ECHDC1: variants seen among roughly 807,000 people sequenced by gnomAD.
ECHDC1 encodes the protein ethylmalonyl-CoA decarboxylase.
A neutral mutation model predicts 29.7 loss-of-function variants in ECHDC1; 29 were observed. The ratio of observed to expected loss-of-function variants is 0.98; its 90% CI spans 0.73 to 1.33. The LOEUF (loss-of-function observed/expected upper bound fraction) is 1.33, where lower values mean the gene tolerates loss of function less well. ECHDC1 is among the 40% of genes most tolerant of loss of function. ECHDC1 has a pLI of 0.00. For missense variants in ECHDC1, 328 were observed against 350.0 expected (o/e 0.94, Z 0.50); for synonymous variants, 126 against 123.1 (o/e 1.02, Z -0.15).
At position 127,289,071 on chromosome 6, in the gene ECHDC1, AG is replaced by A. The variant is rs1381728367; in HGVS notation, c.*797del. On this transcript the variant is annotated 3_prime_UTR_variant, in exon 6 of 6. Transcript: ENST00000454859. The stretch of plus-strand genomic sequence containing the variant: ...TTACTTTTGAAAGATAGTTGTTAGA[AG>A]GTTAGTTGTTTTTCAGGAAAAAAAA... 1 of 152,038 alleles carries A rather than the reference AG, an allele frequency of 6.6e-6. No homozygotes were observed. The highest frequency in any genetic ancestry group is 1.5e-5 in the Non-Finnish European group (1 of 67,956). 9.4% of individuals were successfully genotyped at this position (152,038 alleles called of 1,614,324 possible). A position where few individuals can be genotyped will look rare whatever the true frequency, so the allele number is the denominator to read the frequency against.
chr6:127,338,307 CAT>C (rs1213748171), intron 1 of ECHDC1, among the ~76,000 whole-genome samples: 1 of 152,092 alleles, frequency 6.6e-6, no homozygotes. Context: ...AATATGCACA[CAT>C]AAAGCAAAAA....
chr6:127,313,676 T>TA (rs1562317703), intron 5 of ECHDC1: 2 of 433,136 alleles, frequency 4.6e-6, no homozygotes, highest in African/African-American at 4.1e-5. Flanking sequence ...AATGAATTTT[T>TA]AAAAAAATGG....
Position 127,311,749 on chromosome 6 carries a change from A to G in ECHDC1, c.497+3067T>C, listed in dbSNP as rs540037861. Among the ~76,000 whole-genome samples the G allele has an allele frequency of 3.4e-5, 5 of 149,088 alleles. No individual in the cohort carries two copies. The South Asian group carries it at 1.1e-3, about 32-fold the overall frequency. On this transcript the variant is annotated intron_variant, in intron 5 of 5. Coordinates refer to ENST00000454859, the MANE Select transcript of ECHDC1 (RefSeq NM_001002030.2). ...AAAGAAAACTGGGATGGCTATATTT[A>G]TATCAGAAAAAAAACAGATCTTGAC... is the stretch of plus-strand genomic sequence containing the variant.
intron 5 of ECHDC1, among the ~76,000 whole-genome samples, chr6:127,304,080 C>G (rs1582944794): frequency 6.6e-6 from 1 of 152,134 alleles, no homozygotes; most frequent in Admixed American, 6.5e-5. Context: ...TTATGGAAGG[C>G]CTTGGGCAAG....
At chr6:127,337,689 T>C (rs1015942517) in intron 1 of ECHDC1, among the ~76,000 whole-genome samples, 2 of 152,162 alleles carry the variant, frequency 1.3e-5, no homozygotes, top group African/African-American at 4.8e-5. Flanking sequence ...TCTTAAAATA[T>C]TTTACAGAGT....
intron 5 of ECHDC1, 152 bp from the exon 6 acceptor site, chr6:127,290,429 T>C (rs1296129493): frequency 5.2e-6 from 4 of 775,542 alleles, no homozygotes; most frequent in Non-Finnish European, 7.8e-6. Flanking sequence ...CTGTTTCATC[T>C]AGAATTTAAT....
chr6:127,309,891 T>C (rs1163777061), intron 5 of ECHDC1, among the ~76,000 whole-genome samples: 1 of 152,088 alleles, frequency 6.6e-6, no homozygotes, highest in African/African-American at 2.4e-5. Flanking sequence ...CCAGTTCTTG[T>C]GAGAACTTAC....
intron 1 of ECHDC1, among the ~76,000 whole-genome samples, chr6:127,335,206 A>G (rs1375771750): frequency 1.3e-5 from 2 of 152,114 alleles, no homozygotes; most frequent in Admixed American, 6.6e-5. Context: ...CATTTTTACC[A>G]AAGTGTTTCC....
intron 3 of ECHDC1, among the ~76,000 whole-genome samples, chr6:127,318,795 T>C (rs1265662964): frequency 6.6e-6 from 1 of 152,202 alleles, no homozygotes; most frequent in Non-Finnish European, 1.5e-5. Context: ...ACTATGTTGA[T>C]TTATAAAACA....
chr6:127,322,486 A>C (rs1374252189), intron 3 of ECHDC1, among the ~76,000 whole-genome samples: 1 of 152,176 alleles, frequency 6.6e-6, no homozygotes, highest in African/African-American at 2.4e-5. Context: ...GATTTACTTC[A>C]GGCACTGAAA....
intron 1 of ECHDC1, among the ~76,000 whole-genome samples, chr6:127,337,531 G>A (rs1784537068): frequency 6.6e-6 from 1 of 152,110 alleles, no homozygotes; most frequent in Non-Finnish European, 1.5e-5. Flanking sequence ...CCAAACCAAT[G>A]TATTTCTTAA....
chr6:127,336,138 C>T (rs1259533824), intron 1 of ECHDC1, among the ~76,000 whole-genome samples: 1 of 151,996 alleles, frequency 6.6e-6, no homozygotes, highest in African/African-American at 2.4e-5. Flanking sequence ...TGTTTAGTGA[C>T]ACAATAAAGG....
At chr6:127,300,894 T>C (rs767930192) in intron 5 of ECHDC1, among the ~76,000 whole-genome samples, 2 of 152,254 alleles carry the variant, frequency 1.3e-5, no homozygotes. Flanking sequence ...TAGTTTGTTA[T>C]AGCAGCAATA....
At chr6:127,301,526 A>G (rs905350736) in intron 5 of ECHDC1, among the ~76,000 whole-genome samples, 3 of 152,218 alleles carry the variant, frequency 2.0e-5, no homozygotes, top group African/African-American at 7.2e-5. Context: ...CTTAGGAAAT[A>G]ATTAAAATAA....
chr6:127,299,716 AAGG>A (rs746725784), intron 5 of ECHDC1, among the ~76,000 whole-genome samples: 15 of 152,250 alleles, frequency 9.9e-5, no homozygotes, highest in African/African-American at 1.7e-4. Flanking sequence ...GTAAAAGTAA[AAGG>A]AGTACATTCT....
At chr6:127,309,310 A>G (rs1368349658) in intron 5 of ECHDC1, among the ~76,000 whole-genome samples, 1 of 152,158 alleles carries the variant, frequency 6.6e-6, no homozygotes, top group Admixed American at 6.5e-5. Context: ...CTCATTTTCA[A>G]CAAAGGTACC....
intron 3 of ECHDC1, 105 bp from the exon 4 acceptor site, chr6:127,316,607 T>C (rs1760523236): frequency 1.2e-6 from 1 of 846,838 alleles, no homozygotes; most frequent in African/African-American, 1.8e-5. Flanking sequence ...AATATGTCTT[T>C]TTTAAACAAT....
intron 1 of ECHDC1, among the ~76,000 whole-genome samples, chr6:127,335,755 CAACT>C (rs1379539480): frequency 2.0e-5 from 3 of 151,996 alleles, no homozygotes. Flanking sequence ...AACTAATAAG[CAACT>C]AATAAGGAAA....
At chr6:127,328,854 T>A (rs538157094) in intron 2 of ECHDC1, among the ~76,000 whole-genome samples, 37 of 151,876 alleles carry the variant, frequency 2.4e-4, no homozygotes, top group African/African-American at 8.4e-4. Context: ...GTGAAACCCC[T>A]TCTCTACTAA....
Sources: allele counts gnomAD v4.1 joint callset (sites outside exome capture counted in the v4.1 genomes callset), GRCh38; gene constraint gnomAD v4.1.1; transcripts MANE v1.5; gene names NCBI Gene and HGNC (gene_info 2026-07-23, HGNC 2026-07-21).